SPRYD4: variants seen among roughly 807,000 people sequenced by gnomAD.
SPRYD4 encodes the protein SPRY domain-containing protein 4.
SPRYD4 carries 12 observed loss-of-function variants against 16.6 expected under a neutral mutation model. That is an observed-to-expected ratio of 0.72 (90% CI 0.46 to 1.17). SPRYD4 has a LOEUF of 1.17. Among genes scored for constraint, SPRYD4 ranks in the 50% most tolerant of loss-of-function variants. The pLI is 0.00. For synonymous variants in SPRYD4, 98 were observed against 105.4 expected (o/e 0.93, Z 0.43); for missense variants, 260 against 260.2 (o/e 1.00, Z 0.00).
rs1207247799 is a variant in SPRYD4 at position 56,471,065 on chromosome 12, A to G, written c.*1488A>G. The G allele has an allele frequency of 1.6e-5, 5 of 305,408 alleles. No individual in the cohort carries two copies. Among genetic ancestry groups the G allele is most frequent in the East Asian group, 1.1e-4 (2 of 18,760 alleles). 18.9% of individuals were successfully genotyped at this position (305,408 alleles called of 1,614,324 possible). On this transcript the variant is annotated 3_prime_UTR_variant, in exon 2 of 2. Transcript: ENST00000338146. ...CAAGGGGAGTAGATTTCTCCAGACT[A>G]CTAAAGCCATGTATATAGCCATTCC...
chr12:56,472,197 T>C lies in SPRYD4; in HGVS notation c.*2620T>C, dbSNP rs1230644076. On this transcript the variant is annotated 3_prime_UTR_variant, in exon 2 of 2. Coordinates refer to ENST00000338146, the MANE Select transcript of SPRYD4 (RefSeq NM_207344.4). ...ATATCCATGGCTGACAAGGCAAACC[T>C]GAGGGTAGTGGGAAAGCAGCTAGAG... 2 of 1,613,922 alleles carry C rather than the reference T, an allele frequency of 1.2e-6. No homozygotes were observed. The highest frequency in any genetic ancestry group is 8.5e-7 in the Non-Finnish European group (1 of 1,179,978).
Position 56,469,717 on chromosome 12 carries a change from T to G in SPRYD4, c.*140T>G. ...TCCTCTGTGCAATATCATGATCATC[T>G]TCCTCATCCCCTACCTTGTGAAAGC... On this transcript the variant is annotated 3_prime_UTR_variant, in exon 2 of 2. Transcript: ENST00000338146. 2.5e-6 allele frequency: 2 copies of G among 815,348 alleles called. No individual in the cohort carries two copies. The highest frequency in any genetic ancestry group is 3.7e-6 in the Non-Finnish European group (2 of 534,174). 50.5% of individuals were successfully genotyped at this position (815,348 alleles called of 1,614,324 possible). A position where few individuals can be genotyped will look rare whatever the true frequency, so the allele number is the denominator to read the frequency against.
At position 56,472,505 on chromosome 12, in the gene SPRYD4, T is replaced by C; in HGVS notation, c.*2928T>C. 1.6e-6 allele frequency: 1 copy of C among 624,652 alleles called. No homozygotes were observed. The highest frequency in any genetic ancestry group is 2.0e-5 in the South Asian group (1 of 49,838). 38.7% of individuals were successfully genotyped at this position (624,652 alleles called of 1,614,324 possible). On this transcript the variant is annotated 3_prime_UTR_variant, in exon 2 of 2. Coordinates refer to ENST00000338146, the MANE Select transcript of SPRYD4 (RefSeq NM_207344.4). Reference sequence around the variant, plus strand: ...CAATAACAATGGCTAACATTAATTATCATAGAGCAGACAGTTTACTTTTTT... The same window carrying C: ...CAATAACAATGGCTAACATTAATTACCATAGAGCAGACAGTTTACTTTTTT...
rs751577032 is a variant in SPRYD4, at chr12:56,479,228, G to C, written c.*9651G>C. On this transcript the variant is annotated 3_prime_UTR_variant, in exon 2 of 2. Transcript: ENST00000338146. ...ATTAGGGGGCTAGAGAAATGCAGCTGGGACTCACTCTGGAGCCACGGAAAT... is the reference window on the plus strand; with the variant it reads ...ATTAGGGGGCTAGAGAAATGCAGCTCGGACTCACTCTGGAGCCACGGAAAT... The C allele has an allele frequency of 2.5e-6, 4 of 1,603,650 alleles. No individual in the cohort carries two copies. In the South Asian group the frequency reaches 4.4e-5, roughly 18 times the overall value.
rs1458557128 is a variant in SPRYD4, at chr12:56,472,721, C to T, written c.*3144C>T. ...AGAGCTGAGACATCGCCACTATAGG[C>T]AGCAAATAACAGGTTGACCACAGTC... On this transcript the variant is annotated 3_prime_UTR_variant, in exon 2 of 2. Transcript: ENST00000338146. 2 of 1,613,712 alleles carry T rather than the reference C, an allele frequency of 1.2e-6. No individual in the cohort carries two copies. The highest frequency in any genetic ancestry group is 2.7e-5 in the African/African-American group (2 of 74,838).
chr12:56,469,004 C>T (rs1354061602), intron 1 of SPRYD4, 35 bp from the exon 2 acceptor site: 1 of 1,531,262 alleles, frequency 6.5e-7, no homozygotes, highest in Non-Finnish European at 8.8e-7. Context: ...GGTTCTAGCC[C>T]CTGTTATTAT....
chr12:56,468,858 G>A, intron 1 of SPRYD4, 181 bp from the exon 2 acceptor site: 1 of 1,027,372 alleles, frequency 9.7e-7, no homozygotes, highest in South Asian at 1.7e-5. Flanking sequence ...TACTCAATCC[G>A]AGTTTTTCAG....
chr12:56,473,080 C>T lies in SPRYD4; in HGVS notation c.*3503C>T. On this transcript the variant is annotated 3_prime_UTR_variant, in exon 2 of 2. Transcript: ENST00000338146. ...AATTTTTTGTATTTTCAATAGAGAC[C>T]AGGTTTCACCGTGTTAGCCAGGATG... is the stretch of plus-strand genomic sequence containing the variant. The T allele has an allele frequency of 1.4e-6, 1 of 711,802 alleles. No individual in the cohort carries two copies. The highest frequency in any genetic ancestry group is 2.3e-6 in the Non-Finnish European group (1 of 429,936). The allele number at this position is 711,802 out of a possible 1,614,324, so 44.1% of individuals were successfully genotyped here.
rs757451008 is a variant in SPRYD4 at position 56,477,642 on chromosome 12, G to C, written c.*8065G>C. On this transcript the variant is annotated 3_prime_UTR_variant, in exon 2 of 2. Transcript: ENST00000338146. ...GCTTAGAGGATAATACCTATCAGAA[G>C]GTTAAGGTGGCACTGACCTTGATCA... 1.2e-4 allele frequency: 188 copies of C among 1,610,268 alleles called. No individual in the cohort carries two copies. The highest frequency in any genetic ancestry group is 1.6e-4 in the Non-Finnish European group (186 of 1,177,666).
chr12:56,469,535 G>C lies in SPRYD4; in HGVS notation c.582G>C (p.Glu194Asp), dbSNP rs773165980. The C allele has an allele frequency of 6.2e-7, 1 of 1,614,054 alleles. No homozygotes were observed. The highest frequency in any genetic ancestry group is 8.5e-7 in the Non-Finnish European group (1 of 1,179,998). ...VVPAFALWDG[E>D]LLTHSGLEVP... ...CTGCCTTTGCTCTCTGGGATGGGGA[G>C]CTGCTGACCCATTCAGGGCTTGAGG... Residue 194 changes from glutamate to aspartate, a missense_variant, in exon 2 of 2, where the codon GAG (glutamate) becomes GAC (aspartate). Glu to Asp is a conservative substitution (Grantham distance 45). Transcript: ENST00000338146.
Position 56,475,548 on chromosome 12 carries a change from A to G in SPRYD4, c.*5971A>G. On this transcript the variant is annotated 3_prime_UTR_variant, in exon 2 of 2. Transcript: ENST00000338146. ...TTCCTCCTAAGATTCTCTCTCCCCC[A>G]TTCCTCTTGTCCCCATCCTAAGTAC... 4 of 1,467,370 alleles carry G rather than the reference A, an allele frequency of 2.7e-6. No homozygotes were observed. Among genetic ancestry groups the G allele is most frequent in the Non-Finnish European group, 3.8e-6 (4 of 1,056,192 alleles). 90.9% of individuals were successfully genotyped at this position (1,467,370 alleles called of 1,614,324 possible). A position where few individuals can be genotyped will look rare whatever the true frequency, so the allele number is the denominator to read the frequency against.
Position 56,468,628 on chromosome 12 carries a change from CGCTGGGGAGCCAAACGATTGG to C in SPRYD4, c.39_59del (p.Trp14_Gly20del). On this transcript the variant is annotated inframe_deletion, in exon 1 of 2. Transcript: ENST00000338146. ...TTTTGCACGTTCTTTGCGCTTGTGC[CGCTGGGGAGCCAAACGATTGG>C]GAGTTGCCTCCACAGAGGCCCAGAG... The C allele has an allele frequency of 6.2e-7, 1 of 1,614,018 alleles. No individual in the cohort carries two copies. The highest frequency in any genetic ancestry group is 8.5e-7 in the Non-Finnish European group (1 of 1,179,996).
At position 56,473,847 on chromosome 12, in the gene SPRYD4, TC is replaced by T; in HGVS notation, c.*4272del. On this transcript the variant is annotated 3_prime_UTR_variant, in exon 2 of 2. Coordinates refer to ENST00000338146, the MANE Select transcript of SPRYD4 (RefSeq NM_207344.4). ...AGATGCTGTGCTAGAACTAGGAACTTCCATTCTGGTGTTAGGAGATAGGTAA... is the reference window on the plus strand; with the variant it reads ...AGATGCTGTGCTAGAACTAGGAACTTCATTCTGGTGTTAGGAGATAGGTAA... 2.4e-6 allele frequency: 1 copy of T among 408,962 alleles called. No individual in the cohort carries two copies. The highest frequency in any genetic ancestry group is 5.6e-5 in the South Asian group (1 of 17,730). The allele number at this position is 408,962 out of a possible 1,614,324, so 25.3% of individuals were successfully genotyped here.
chr12:56,476,206 A>AT lies in SPRYD4; in HGVS notation c.*6629_*6630insT. 1 of 397,942 alleles carries AT rather than the reference A, an allele frequency of 2.5e-6. No homozygotes were observed. Among genetic ancestry groups the AT allele is most frequent in the South Asian group, 3.0e-5 (1 of 32,962 alleles). The allele number at this position is 397,942 out of a possible 1,614,324, so 24.7% of individuals were successfully genotyped here. On this transcript the variant is annotated 3_prime_UTR_variant, in exon 2 of 2. Coordinates refer to ENST00000338146, the MANE Select transcript of SPRYD4 (RefSeq NM_207344.4). ...TCTTGCTTTGTCACCCTTGTCACCC[A>AT]GGCTGGAGTGCAGTGGCACGATCAT...
In SPRYD4 at chr12:56,474,123, G is replaced by C; in HGVS notation, c.*4546G>C. The stretch of plus-strand genomic sequence containing the variant: ...TTCTTTTTTTTTGAGATGGAGTTTT[G>C]CTCTTGTTGCCCAGGCTACAGTGCA... On this transcript the variant is annotated 3_prime_UTR_variant, in exon 2 of 2. Transcript: ENST00000338146. 7.6e-6 allele frequency: 1 copy of C among 130,836 alleles called. No individual in the cohort carries two copies. Among genetic ancestry groups the C allele is most frequent in the Non-Finnish European group, 1.6e-5 (1 of 63,134 alleles). The allele number at this position is 130,836 out of a possible 1,614,324, so 8.1% of individuals were successfully genotyped here. A position where few individuals can be genotyped will look rare whatever the true frequency, so the allele number is the denominator to read the frequency against.
rs968571001 is a variant in SPRYD4 at position 56,476,538 on chromosome 12, G to A, written c.*6961G>A. ...GGGGGCTGAGGCAGGAGGATCGCTT[G>A]AGACCAGGGGTTTGAGACCAGCCTA... On this transcript the variant is annotated 3_prime_UTR_variant, in exon 2 of 2. Transcript: ENST00000338146. The A allele has an allele frequency of 6.5e-6, 1 of 154,144 alleles. No individual in the cohort carries two copies. The highest frequency in any genetic ancestry group is 1.9e-4 in the East Asian group (1 of 5,180). The allele number at this position is 154,144 out of a possible 1,614,324, so 9.5% of individuals were successfully genotyped here.
rs762455765 is a variant in SPRYD4, at chr12:56,474,639, C to T, written c.*5062C>T. On this transcript the variant is annotated 3_prime_UTR_variant, in exon 2 of 2. Transcript: ENST00000338146. ...GCTTCAGCACTCAGCACACTCTCGC[C>T]TGTGATGGGGCAGATCCCACCGTTG... 1.2e-6 allele frequency: 2 copies of T among 1,614,166 alleles called. No individual in the cohort carries two copies. Among genetic ancestry groups the T allele is most frequent in the East Asian group, 4.5e-5 (2 of 44,888 alleles).
chr12:56,478,486 G>T lies in SPRYD4; in HGVS notation c.*8909G>T. On this transcript the variant is annotated 3_prime_UTR_variant, in exon 2 of 2. Transcript: ENST00000338146. ...CTGTAGAGATAGCAGTAAAGCCAAT[G>T]GAAGTTAAAAAAGGAGAATTCTGAG... 1.9e-6 allele frequency: 1 copy of T among 535,340 alleles called. No homozygotes were observed. The highest frequency in any genetic ancestry group is 3.3e-6 in the Non-Finnish European group (1 of 299,530). The allele number at this position is 535,340 out of a possible 1,614,324, so 33.2% of individuals were successfully genotyped here.
Position 56,478,490 on chromosome 12 carries a change from G to A in SPRYD4, c.*8913G>A, listed in dbSNP as rs1565705589. The A allele has an allele frequency of 3.8e-6, 2 of 526,802 alleles. No individual in the cohort carries two copies. The highest frequency in any genetic ancestry group is 6.8e-6 in the Non-Finnish European group (2 of 294,294). 32.6% of individuals were successfully genotyped at this position (526,802 alleles called of 1,614,324 possible). On this transcript the variant is annotated 3_prime_UTR_variant, in exon 2 of 2. Transcript: ENST00000338146. ...AGAGATAGCAGTAAAGCCAATGGAA[G>A]TTAAAAAAGGAGAATTCTGAGGCAA... is the stretch of plus-strand genomic sequence containing the variant.
Sources: allele counts gnomAD v4.1 joint callset, GRCh38; gene constraint gnomAD v4.1.1; transcripts MANE v1.5; gene names NCBI Gene and HGNC (gene_info 2026-07-23, HGNC 2026-07-21).